Variants in TMEM184B observed in about 807,000 individuals in gnomAD.
TMEM184B encodes putative MAPK-activating protein FM08.
In TMEM184B, 17 loss-of-function variants were observed where a neutral mutation model predicts 41.8. That is an observed-to-expected ratio of 0.41 (90% confidence interval 0.28 to 0.61). The LOEUF (loss-of-function observed/expected upper bound fraction) is 0.61. Ranked by LOEUF, TMEM184B falls within the 20% of genes least tolerant of loss-of-function variation. The pLI is 0.34. For synonymous variants in TMEM184B, 240 were observed against 229.5 expected, an observed-to-expected ratio of 1.05 and a Z score of -0.41; for missense variants, 393 against 557.8, an observed-to-expected ratio of 0.70 and a Z score of 2.98.
Position 38,239,822 on chromosome 22 carries a change from T to A in TMEM184B, c.358+6113A>T, listed in dbSNP as rs1172361554. Among the ~76,000 whole-genome samples, 1 of 152,180 alleles carries A rather than the reference T, an allele frequency of 6.6e-6. No individual in the cohort carries two copies. Among genetic ancestry groups the A allele is most frequent in the African/African-American group, 2.4e-5 (1 of 41,446 alleles). ...TTTTGAGGCAGGAGATGAAAAATTA[T>A]TCTCTACAGAAACAGGTCCCAGAAT... is the stretch of plus-strand genomic sequence containing the variant. On this transcript the variant is annotated intron_variant, in intron 3 of 8. Transcript: ENST00000361906. This position sits in a 1 kb window ranked among gnomAD's most constrained non-coding sequence, Gnocchi z 4.6.
At chr22:38,271,583 C>T (rs2092524037) in intron 1 of TMEM184B, among the ~76,000 whole-genome samples, 1 of 151,986 alleles carries the variant, frequency 6.6e-6, no homozygotes. Context: ...CCACGATCCC[C>T]CTCCCCGGGA....
Position 38,226,906 on chromosome 22 carries a change from GAGC to G in TMEM184B, c.526-39_526-37del, listed in dbSNP as rs1293349077. ...GAAAAGGAGGTTGAGTGTGGAGGAGGAGCACAGAAGGCATGAAGCAAGCCCTGC... is the reference window on the plus strand; with the variant it reads ...GAAAAGGAGGTTGAGTGTGGAGGAGGACAGAAGGCATGAAGCAAGCCCTGC... On this transcript the variant is annotated intron_variant, in intron 5 of 8. Transcript: ENST00000361906. The surrounding 1 kb of genome is among the most constrained non-coding windows in gnomAD (Gnocchi z 4.6). The G allele has an allele frequency of 6.5e-7, 1 of 1,546,438 alleles. No individual in the cohort carries two copies. Among genetic ancestry groups the G allele is most frequent in the African/African-American group, 1.5e-5 (1 of 67,760 alleles).
intron 3 of TMEM184B, chr22:38,232,283 G>A (rs953030272): frequency 2.0e-5 from 3 of 152,190 alleles, no homozygotes; most frequent in African/African-American, 7.2e-5. Flanking sequence ...TCTCCACAAA[G>A]ACCCAAAATT....
chr22:38,227,844 T>C (rs1214553220), intron 5 of TMEM184B, among the ~76,000 whole-genome samples: 1 of 151,794 alleles, frequency 6.6e-6, no homozygotes, highest in Non-Finnish European at 1.5e-5. Flanking sequence ...ACGGAAAGAG[T>C]TCCTCAGCCA....
In TMEM184B at chr22:38,221,344, G is replaced by C; in HGVS notation, c.*125C>G. 2 of 1,460,658 alleles carry C rather than the reference G, an allele frequency of 1.4e-6. No individual in the cohort carries two copies. Among genetic ancestry groups the C allele is most frequent in the Non-Finnish European group, 1.8e-6 (2 of 1,112,334 alleles). The allele number at this position is 1,460,658 out of a possible 1,614,324, so 90.5% of individuals were successfully genotyped here. On this transcript the variant is annotated 3_prime_UTR_variant, in exon 9 of 9. Coordinates refer to ENST00000361906, the MANE Select transcript of TMEM184B (RefSeq NM_012264.5). ...CTGGAAGTGACATGTGAGTGTTTCTGGTCCAATAAATAAAGGCGGCGTGAG... is the reference window on the plus strand; with the variant it reads ...CTGGAAGTGACATGTGAGTGTTTCTCGTCCAATAAATAAAGGCGGCGTGAG...
intron 8 of TMEM184B, chr22:38,223,290 C>G (rs1341905998): frequency 1.3e-5 from 2 of 152,496 alleles, no homozygotes; most frequent in Non-Finnish European, 2.9e-5. Flanking sequence ...AGGAATGGTT[C>G]TCTGCCATGG....
chr22:38,247,191 G>A (rs2092051649), intron 2 of TMEM184B, among the ~76,000 whole-genome samples: 1 of 152,122 alleles, frequency 6.6e-6, no homozygotes, highest in African/African-American at 2.4e-5. Context: ...TCCCTCTCAG[G>A]CTCTCCATTT....
At position 38,230,804 on chromosome 22, in the gene TMEM184B, G is replaced by A; in HGVS notation, c.450-60C>T. The A allele has an allele frequency of 2.0e-6, 3 of 1,538,430 alleles. No homozygotes were observed. The South Asian group carries it at 3.5e-5, about 18-fold the overall frequency. ...AGTGAAGAGCCAGGACTTGGGAACA[G>A]TGGGGTGGGGAAGGCCGCCCTCCCA... On this transcript the variant is annotated intron_variant, in intron 4 of 8. Coordinates refer to ENST00000361906, the MANE Select transcript of TMEM184B (RefSeq NM_012264.5).
At position 38,272,986 on chromosome 22, in the gene TMEM184B, C is replaced by T. The variant is rs910607743; in HGVS notation, c.-161G>A. 142 of 205,062 alleles carry T rather than the reference C, an allele frequency of 6.9e-4. No individual in the cohort carries two copies. Among genetic ancestry groups the T allele is most frequent in the South Asian group, 1.9e-3 (11 of 5,804 alleles). 12.7% of individuals were successfully genotyped at this position (205,062 alleles called of 1,614,324 possible). On this transcript the variant is annotated 5_prime_UTR_variant, in exon 1 of 9. Coordinates refer to ENST00000361906, the MANE Select transcript of TMEM184B (RefSeq NM_012264.5). ...GCAGCCCCGGAGTCTCCGCCGCCGCCGGCGCGTCCCGGGCCCAGTGGAGTG... is the reference window on the plus strand; with the variant it reads ...GCAGCCCCGGAGTCTCCGCCGCCGCTGGCGCGTCCCGGGCCCAGTGGAGTG...
chr22:38,256,691 G>C (rs1279762371), intron 1 of TMEM184B, among the ~76,000 whole-genome samples: 1 of 152,170 alleles, frequency 6.6e-6, no homozygotes, highest in Non-Finnish European at 1.5e-5. Context: ...GGAACAAATA[G>C]TGTAATGAAT....
intron 5 of TMEM184B, among the ~76,000 whole-genome samples, chr22:38,227,306 G>A (rs35391894): frequency 0.23 from 35,080 of 151,976 alleles, 4,461 homozygotes; most frequent in East Asian, 0.37. Flanking sequence ...TGAGAGGCTC[G>A]ACAGGCAGAG....
Position 38,226,734 on chromosome 22 carries a change from C to T in TMEM184B, c.617+45G>A, listed in dbSNP as rs757923585. The T allele has an allele frequency of 8.8e-5, 136 of 1,544,420 alleles. No homozygotes were observed. The highest frequency in any genetic ancestry group is 5.8e-4 in the East Asian group (24 of 41,430). ...TTCCCTGAGCCAAGGCACCAGCCTG[C>T]GCCAACACTCCTCCCACACACCCCG... is the stretch of plus-strand genomic sequence containing the variant. On this transcript the variant is annotated intron_variant, in intron 6 of 8. Transcript: ENST00000361906. This position sits in a 1 kb window ranked among gnomAD's most constrained non-coding sequence, Gnocchi z 4.6.
Position 38,246,095 on chromosome 22 carries a change from G to A in TMEM184B, c.198C>T (p.Tyr66=). ...TALLITCHQI[Y]MHLRCYSCPN... ...GGCAGCTGTAGCAGCGCAGGTGCATGTAGATCTGGGGGCAGAGGTGTGGGG... is the reference window on the plus strand; with the variant it reads ...GGCAGCTGTAGCAGCGCAGGTGCATATAGATCTGGGGGCAGAGGTGTGGGG... The change falls in exon 3 of 9, where the codon TAC becomes TAT. Residue 66 remains tyrosine (Y), a synonymous_variant. Transcript: ENST00000361906. 1.2e-6 allele frequency: 2 copies of A among 1,609,860 alleles called. No individual in the cohort carries two copies. Among genetic ancestry groups the A allele is most frequent in the Non-Finnish European group, 1.7e-6 (2 of 1,179,928 alleles).
chr22:38,264,800 G>A (rs1324463155), intron 1 of TMEM184B, among the ~76,000 whole-genome samples: 3 of 152,124 alleles, frequency 2.0e-5, no homozygotes, highest in African/African-American at 4.8e-5. Flanking sequence ...TTCTGCCCCC[G>A]GCCGAGTAGG....
chr22:38,219,122 G>T (rs889699008), downstream of TMEM184B, among the ~76,000 whole-genome samples: 1 of 152,170 alleles, frequency 6.6e-6, no homozygotes, highest in African/African-American at 2.4e-5. Flanking sequence ...TTGTCCAAGG[G>T]GGGCCTGGGC....
chr22:38,270,923 G>T (rs2092512651), intron 1 of TMEM184B, among the ~76,000 whole-genome samples: 1 of 152,186 alleles, frequency 6.6e-6, no homozygotes, highest in African/African-American at 2.4e-5. Context: ...ACAGCCTCCG[G>T]ACAGAAGCCC....
chr22:38,247,479 A>G (rs892331598), intron 2 of TMEM184B, among the ~76,000 whole-genome samples: 1 of 152,244 alleles, frequency 6.6e-6, no homozygotes, highest in Non-Finnish European at 1.5e-5. Flanking sequence ...GCACGCCTGT[A>G]GTCACAGCTA....
Position 38,225,020 on chromosome 22 carries a change from C to T in TMEM184B, c.788-41G>A. ...CGGGTGTCTGGACCCAGAATGATTC[C>T]TTTCCTGCTCCCCCTTCTTCCACAA... On this transcript the variant is annotated intron_variant, in intron 7 of 8. Coordinates refer to ENST00000361906, the MANE Select transcript of TMEM184B (RefSeq NM_012264.5). The surrounding 1 kb of genome is among the most constrained non-coding windows in gnomAD (Gnocchi z 4.4). 1 of 1,495,856 alleles carries T rather than the reference C, an allele frequency of 6.7e-7. No homozygotes were observed. The highest frequency in any genetic ancestry group is 1.3e-5 in the South Asian group (1 of 77,444). 92.7% of individuals were successfully genotyped at this position (1,495,856 alleles called of 1,614,324 possible). A position where few individuals can be genotyped will look rare whatever the true frequency, so the allele number is the denominator to read the frequency against.
chr22:38,242,310 TACAAAAAAAA>T (rs1268368597), intron 3 of TMEM184B, among the ~76,000 whole-genome samples: 2 of 120,956 alleles, frequency 1.7e-5, no homozygotes, highest in African/African-American at 6.4e-5. Flanking sequence ...TCTACTAAAA[TACAAAAAAAA>T]AAAAAAAATT....
Sources: gnomAD v4.1 joint callset for allele counts (sites outside exome capture counted in the v4.1 genomes callset) on GRCh38, gnomAD v4.1.1 for gene constraint, Gnocchi (gnomAD v3.1) non-coding constraint, MANE v1.5 for transcripts, NCBI Gene and HGNC (gene_info 2026-07-23, HGNC 2026-07-21) for gene names.